The following GSG1L variants were observed in gnomAD, a reference collection of about 807,000 sequenced individuals.
GSG1L encodes the protein GSG1 like, also known as germ cell-specific gene 1-like protein.
GSG1L carries 24 observed loss-of-function variants against 42.1 expected under a neutral mutation model. The observed-to-expected ratio is 0.57, with a 90% confidence interval of 0.41 to 0.80. GSG1L has a LOEUF of 0.80. Among genes scored for constraint, GSG1L ranks in the 30% least tolerant of loss-of-function variants. The pLI, the probability that GSG1L is intolerant of heterozygous loss-of-function variation, is 0.00. For missense variants in GSG1L, 445 were observed against 472.2 expected, an observed-to-expected ratio of 0.94 and a Z score of 0.53; for synonymous variants, 215 against 203.5, an observed-to-expected ratio of 1.06 and a Z score of -0.48.
At chr16:27,956,693 C>A (rs1352646547) in intron 2 of GSG1L, among the ~76,000 whole-genome samples, 2 of 152,118 alleles carry the variant, frequency 1.3e-5, no homozygotes, top group African/African-American at 2.4e-5. Flanking sequence ...CACCTACTAT[C>A]CCCTCTACCT....
At chr16:27,965,204 A>G (rs183733627) in intron 1 of GSG1L, among the ~76,000 whole-genome samples, 108 of 152,152 alleles carry the variant, frequency 7.1e-4, no homozygotes, top group African/African-American at 2.5e-3. Flanking sequence ...TTTTTAGTAA[A>G]GATGGGATTT....
intron 2 of GSG1L, among the ~76,000 whole-genome samples, chr16:27,943,773 G>C (rs1352695177): frequency 6.6e-6 from 1 of 151,654 alleles, no homozygotes; most frequent in Admixed American, 6.6e-5. Context: ...ACAGGGTTTT[G>C]TCATGTTGGC....
chr16:27,911,280 T>TCTCTCTCTCTCTC (rs1555507790), intron 2 of GSG1L, among the ~76,000 whole-genome samples: 1,811 of 144,204 alleles, frequency 0.013, 19 homozygotes, highest in Non-Finnish European at 0.019. Context: ...TCTCTCTCTC[T>TCTCTCTCTCTCTC]CTCTCTCTCT....
Position 27,884,502 on chromosome 16 carries a change from G to A in GSG1L, c.534C>T (p.Val178=). The change falls in exon 3 of 7, where the codon GTC becomes GTT. Residue 178 remains valine, a synonymous_variant. Transcript: ENST00000447459. The surrounding 1 kb of genome is among the most constrained non-coding windows in gnomAD (Gnocchi z 4.4). ...ATGCCTTACCTGAGAGCACCGTGAA[G>A]ACAGCCGCGAAGGCATTGAGCTTGA... The part of the protein sequence containing the change: ...DGLKLNAFAA[V]FTVLSGLLGM... The A allele has an allele frequency of 6.2e-7, 1 of 1,613,810 alleles. No homozygotes were observed. The highest frequency in any genetic ancestry group is 1.6e-4 in the Middle Eastern group (1 of 6,062).
intron 1 of GSG1L, among the ~76,000 whole-genome samples, chr16:27,996,118 T>G (rs903324531): frequency 2.6e-5 from 4 of 152,084 alleles, no homozygotes; most frequent in African/African-American, 9.7e-5. Context: ...TCTCTCTCTC[T>G]CTGTCACTCA....
intron 3 of GSG1L, among the ~76,000 whole-genome samples, chr16:27,855,274 T>A (rs981096462): frequency 3.3e-5 from 5 of 152,148 alleles, no homozygotes; most frequent in Admixed American, 3.3e-4. Flanking sequence ...CAGGTGAGAA[T>A]GAAAGTGGGC....
chr16:27,865,926 C>G (rs2083718645), intron 3 of GSG1L, among the ~76,000 whole-genome samples: 1 of 151,992 alleles, frequency 6.6e-6, no homozygotes. Context: ...GTCTCAAACT[C>G]CTGAGCTCAA....
chr16:27,849,205 A>ACCCC (rs756692818), intron 3 of GSG1L, among the ~76,000 whole-genome samples: 5,812 of 93,302 alleles, frequency 0.062, 373 homozygotes, highest in African/African-American at 0.18. Context: ...CCCAAAAAGA[A>ACCCC]AAAAAAAAAA....
intron 5 of GSG1L, chr16:27,823,722 C>A: frequency 1.6e-6 from 1 of 623,884 alleles, no homozygotes. Context: ...AACTCCTCAG[C>A]CATGGGACTC....
chr16:27,837,538 A>T (rs541586026), intron 4 of GSG1L, among the ~76,000 whole-genome samples: 40 of 152,166 alleles, frequency 2.6e-4, no homozygotes, highest in Non-Finnish European at 4.3e-4. Context: ...CACTGACACC[A>T]TGGGGAGGGA....
At chr16:27,919,006 G>A (rs1236816965) in intron 2 of GSG1L, among the ~76,000 whole-genome samples, 1 of 152,134 alleles carries the variant, frequency 6.6e-6, no homozygotes, top group South Asian at 2.1e-4. Context: ...CCACACAGCT[G>A]TCCAGGCAGG....
At chr16:27,876,246 GC>G (rs1315973933) in intron 3 of GSG1L, among the ~76,000 whole-genome samples, 21 of 152,146 alleles carry the variant, frequency 1.4e-4, no homozygotes. Flanking sequence ...GGTGAAGGTG[GC>G]AGGGGTGACT....
chr16:28,035,460 C>CTATT (rs2141179827), intron 1 of GSG1L, among the ~76,000 whole-genome samples: 1 of 152,294 alleles, frequency 6.6e-6, no homozygotes, highest in South Asian at 2.1e-4. Context: ...TATTTACCAT[C>CTATT]TACTCATCTC....
intron 1 of GSG1L, among the ~76,000 whole-genome samples, chr16:28,003,771 G>T (rs1370371174): frequency 6.6e-6 from 1 of 152,136 alleles, no homozygotes; most frequent in Non-Finnish European, 1.5e-5. Context: ...ACCCAACCAG[G>T]GGCCAGGGCT....
At chr16:27,804,455 C>T (rs546247406) in intron 6 of GSG1L, among the ~76,000 whole-genome samples, 1 of 152,054 alleles carries the variant, frequency 6.6e-6, no homozygotes, top group Admixed American at 6.5e-5. Context: ...TCCCCATCAC[C>T]ACATCTTCCT....
Position 27,792,886 on chromosome 16 carries a change from T to C in GSG1L, c.899-1419A>G, listed in dbSNP as rs144231428. 5.6e-4 allele frequency among the ~76,000 whole-genome samples: 85 copies of C among 152,350 alleles called. No individual in the cohort carries two copies. The East Asian group carries it at 0.015, about 27-fold the overall frequency. On this transcript the variant is annotated intron_variant, in intron 6 of 6. Coordinates refer to ENST00000447459, the MANE Select transcript of GSG1L (RefSeq NM_001109763.2). Reference sequence around the variant, plus strand: ...GCTCCAGAGGTAGTTCTGCCCATTTTACAGATGAGGGAGCCGAGGCTCTGT... The same window carrying C: ...GCTCCAGAGGTAGTTCTGCCCATTTCACAGATGAGGGAGCCGAGGCTCTGT...
intron 1 of GSG1L, among the ~76,000 whole-genome samples, chr16:28,057,039 A>G (rs2086287470): frequency 6.6e-6 from 1 of 152,122 alleles, no homozygotes; most frequent in Admixed American, 6.5e-5. Flanking sequence ...CCTGTCAAAG[A>G]GCCGGTAAGG....
intron 2 of GSG1L, among the ~76,000 whole-genome samples, chr16:27,915,925 T>C (rs1005996310): frequency 2.0e-5 from 3 of 151,918 alleles, no homozygotes; most frequent in African/African-American, 7.3e-5. Context: ...GGGCAAATCA[T>C]TTAACTTTTT....
chr16:27,801,019 C>T (rs546697156), intron 6 of GSG1L, among the ~76,000 whole-genome samples: 2 of 152,094 alleles, frequency 1.3e-5, no homozygotes, highest in African/African-American at 2.4e-5. Context: ...TCGGAGGAAG[C>T]GGCCTTTCAG....
Sources: gnomAD v4.1 joint callset for allele counts (sites outside exome capture counted in the v4.1 genomes callset) on GRCh38, gnomAD v4.1.1 for gene constraint, Gnocchi (gnomAD v3.1) non-coding constraint, MANE v1.5 for transcripts, NCBI Gene and HGNC (gene_info 2026-07-23, HGNC 2026-07-21) for gene names.